ERG: variants seen among roughly 807,000 people sequenced by gnomAD.
ERG encodes transcriptional regulator ERG.
In ERG, 9 loss-of-function variants were observed where a neutral mutation model predicts 55.3. That is an observed-to-expected ratio of 0.16 (90% CI 0.10 to 0.28). The LOEUF (loss-of-function observed/expected upper bound fraction) is 0.28. ERG is among the 10% of genes least tolerant of loss of function. ERG has a pLI of 1.00. For synonymous variants in ERG, 223 were observed against 237.3 expected (o/e 0.94, Z 0.55); for missense variants, 434 against 631.6 (o/e 0.69, Z 3.35).
In ERG at chr21:38,389,265, G is replaced by C. The variant is rs543329076; in HGVS notation, c.919+1730C>G. On this transcript the variant is annotated intron_variant, in intron 9 of 9. Coordinates refer to ENST00000288319, the MANE Select transcript of ERG (RefSeq NM_182918.4). ...CCCTTATCATTGGCTGTGTGACACA[G>C]GAAAAGTTACTTAACTTCTCTGGAC... 3.3e-5 allele frequency among the ~76,000 whole-genome samples: 5 copies of C among 152,232 alleles called. No individual in the cohort carries two copies. In the East Asian group the frequency reaches 7.7e-4, roughly 24 times the overall value.
chr21:38,538,347 C>A (rs2059726833), intron 2 of ERG, among the ~76,000 whole-genome samples: 1 of 151,648 alleles, frequency 6.6e-6, no homozygotes, highest in Non-Finnish European at 1.5e-5. Flanking sequence ...TTTACTATAA[C>A]AAAAAGTCAT....
At chr21:38,619,228 G>A (rs1245803801) in intron 1 of ERG, among the ~76,000 whole-genome samples, 1 of 152,220 alleles carries the variant, frequency 6.6e-6, no homozygotes, top group Non-Finnish European at 1.5e-5. Context: ...AGTCAATGGA[G>A]TCTAGAATTA....
rs2146428887 is a variant in ERG, at chr21:38,391,668, G to A, written c.862C>T (p.Pro288Ser). 2 of 1,613,634 alleles carry A rather than the reference G, an allele frequency of 1.2e-6. No homozygotes were observed. Among genetic ancestry groups the A allele is most frequent in the Admixed American group, 1.7e-5 (1 of 59,856 alleles). Residue 288 changes from proline (P) to serine (S), a missense_variant, in exon 8 of 10, where the codon CCT (proline) becomes TCT (serine). Physicochemically the swap from Pro to Ser is moderately conservative, Grantham distance 74 (BLOSUM62 -1). Coordinates refer to ENST00000288319, the MANE Select transcript of ERG (RefSeq NM_182918.4). ...STVPKTEDQR[P>S]QLDPYQILGP... ...GGCCCCTGAAACATACCTAACTGAG[G>A]ACGCTGGTCTTCAGTTTTGGGCACT...
At chr21:38,482,593 G>A (rs769931508) in intron 1 of ERG, among the ~76,000 whole-genome samples, 1 of 152,004 alleles carries the variant, frequency 6.6e-6, no homozygotes, top group African/African-American at 2.4e-5. Context: ...ACTCACAATA[G>A]CCAAGATATG....
intron 1 of ERG, among the ~76,000 whole-genome samples, chr21:38,473,654 A>T (rs1347892034): frequency 1.3e-5 from 2 of 151,940 alleles, no homozygotes; most frequent in East Asian, 1.9e-4. Flanking sequence ...GAGAGGGAAA[A>T]TTTTTTTTGA....
intron 1 of ERG, among the ~76,000 whole-genome samples, chr21:38,481,222 C>A (rs1398445757): frequency 6.6e-6 from 1 of 152,090 alleles, no homozygotes; most frequent in Non-Finnish European, 1.5e-5. Flanking sequence ...GGAGAGGAAC[C>A]AAGTCAGATT....
At chr21:38,373,448 C>T in the ERG span, among the ~76,000 whole-genome samples, 1 of 152,140 alleles carries the variant, frequency 6.6e-6, no homozygotes, top group Non-Finnish European at 1.5e-5. Flanking sequence ...GCATATTTCC[C>T]TCCACAGAAA....
At chr21:38,533,762 C>T (rs138538514) in intron 2 of ERG, among the ~76,000 whole-genome samples, 21 of 152,278 alleles carry the variant, frequency 1.4e-4, no homozygotes, top group African/African-American at 2.9e-4. Context: ...CGTAAACTAA[C>T]GTGGAAAGTT....
chr21:38,552,225 G>A (rs530468569), intron 2 of ERG, among the ~76,000 whole-genome samples: 1 of 152,066 alleles, frequency 6.6e-6, no homozygotes, highest in African/African-American at 2.4e-5. Flanking sequence ...CTAGACCAGA[G>A]AGATTCACAA....
chr21:38,609,232 T>C (rs1355150129), intron 1 of ERG, among the ~76,000 whole-genome samples: 2 of 152,130 alleles, frequency 1.3e-5, no homozygotes, highest in Non-Finnish European at 2.9e-5. Context: ...ATGCACCACT[T>C]ATACAAAGAT....
chr21:38,560,802 T>C (rs567460442), intron 2 of ERG, among the ~76,000 whole-genome samples: 17 of 152,348 alleles, frequency 1.1e-4, no homozygotes, highest in African/African-American at 3.6e-4. Context: ...GCTTCCCAAA[T>C]TGTGGTCCTC....
intron 6 of ERG, among the ~76,000 whole-genome samples, chr21:38,394,664 T>G (rs1300586775): frequency 4.6e-5 from 7 of 152,196 alleles, no homozygotes; most frequent in Admixed American, 6.5e-5. Flanking sequence ...AGAATCAGCA[T>G]TTTAACAAGA....
chr21:38,575,715 C>T, exon 2 of ERG: 1 of 1,614,038 alleles, frequency 6.2e-7, no homozygotes, highest in Non-Finnish European at 8.5e-7. Flanking sequence ...TTCAGTAAGC[C>T]AGCCCATCTA....
intron 1 of ERG, among the ~76,000 whole-genome samples, chr21:38,622,225 G>GT: frequency 6.6e-6 from 1 of 152,176 alleles, no homozygotes; most frequent in East Asian, 1.9e-4. Flanking sequence ...ACGTGTAAAC[G>GT]TAACTCACCA....
intron 1 of ERG, among the ~76,000 whole-genome samples, chr21:38,623,324 C>T (rs1256945629): frequency 3.9e-5 from 1 of 25,586 alleles, no homozygotes; most frequent in Non-Finnish European, 8.4e-5. Context: ...ATACGCACCA[C>T]ACACACACAC....
At chr21:38,378,322 T>C (rs1987295607), downstream of ERG, among the ~76,000 whole-genome samples, 1 of 152,232 alleles carries the variant, frequency 6.6e-6, no homozygotes, top group African/African-American at 2.4e-5. Context: ...TGCATGGTTG[T>C]TAAATAAGCA....
chr21:38,548,922 A>G (rs1433263174), intron 2 of ERG, among the ~76,000 whole-genome samples: 4 of 150,838 alleles, frequency 2.7e-5, no homozygotes, highest in African/African-American at 9.7e-5. Context: ...CATCCTGGCT[A>G]ACATGGTGAA....
intron 3 of ERG, among the ~76,000 whole-genome samples, chr21:38,419,296 C>T (rs1005981207): frequency 5.9e-5 from 9 of 152,214 alleles, no homozygotes; most frequent in Non-Finnish European, 2.9e-5. Flanking sequence ...TGGTTGAATG[C>T]TTTGCTCATG....
chr21:38,628,576 C>A (rs920717736), intron 1 of ERG, among the ~76,000 whole-genome samples: 20 of 152,208 alleles, frequency 1.3e-4, no homozygotes, highest in Non-Finnish European at 4.4e-5. Context: ...AAAGAGAGAG[C>A]TGGCTGCAGT....
Sources: allele counts gnomAD v4.1 joint callset (sites outside exome capture counted in the v4.1 genomes callset), GRCh38; gene constraint gnomAD v4.1.1; transcripts MANE v1.5; gene names NCBI Gene and HGNC (gene_info 2026-07-23, HGNC 2026-07-21).